The following METTL27 variants were observed in gnomAD, a reference collection of about 807,000 sequenced individuals.
METTL27 encodes methyltransferase like 27.
Under a neutral mutation model 24.5 loss-of-function variants are expected in METTL27, and 29 were observed. The observed-to-expected ratio is 1.18, with a 90% CI of 0.88 to 1.61. The LOEUF (loss-of-function observed/expected upper bound fraction) is 1.61. METTL27 is among the 40% of genes most tolerant of loss of function. The probability of loss-of-function intolerance (pLI) is 0.00; values close to 1 mark genes in which losing one functional copy is unlikely to be tolerated. For missense variants in METTL27, 341 were observed against 324.3 expected, an observed-to-expected ratio of 1.05 and a Z score of -0.40; for synonymous variants, 138 against 146.8, an observed-to-expected ratio of 0.94 and a Z score of 0.43.
At chr7:73,836,094 C>A (rs1554635127) in intron 5 of METTL27, among the ~76,000 whole-genome samples, 1 of 151,406 alleles carries the variant, frequency 6.6e-6, no homozygotes, top group Middle Eastern at 3.2e-3. Flanking sequence ...GGGGGTCAGC[C>A]CCCCGCCCCA....
chr7:73,835,884 G>A (rs1292018979), intron 5 of METTL27, among the ~76,000 whole-genome samples: 1 of 144,056 alleles, frequency 6.9e-6, no homozygotes, highest in African/African-American at 2.5e-5. Context: ...GGGATGTGAG[G>A]AGCACCTCTG....
chr7:73,839,780 G>T, intron 5 of METTL27: 1 of 454,500 alleles, frequency 2.2e-6, no homozygotes, highest in South Asian at 5.0e-5. Flanking sequence ...CTGGGAAAAG[G>T]AGGCTGCAGA....
At chr7:73,840,158 T>TG (rs1171386607) in intron 4 of METTL27, 38 bp from the exon 5 acceptor site, 1 of 1,551,322 alleles carries the variant, frequency 6.4e-7, no homozygotes, top group Non-Finnish European at 8.8e-7. Context: ...CATGGTGTGA[T>TG]GCTTGGAAGG....
chr7:73,834,964 T>C lies in METTL27; in HGVS notation c.517A>G (p.Asn173Asp). 6.2e-7 allele frequency: 1 copy of C among 1,613,350 alleles called. No individual in the cohort carries two copies. Among genetic ancestry groups the C allele is most frequent in the South Asian group, 1.1e-5 (1 of 91,040 alleles). Residue 173 changes from asparagine to aspartate, a missense_variant, in exon 6 of 6, where the codon AAC becomes GAC. Coordinates refer to ENST00000297873, the MANE Select transcript of METTL27 (RefSeq NM_152559.3). The part of the protein sequence containing the change: ...VCLTTRTNSS[N>D]LQYKEALEAT... ...TCCAGAGCCTCCTTGTATTGAAGGT[T>C]GGACGAGTTGGTCCTGGTGGTCAGA... is the stretch of plus-strand genomic sequence containing the variant.
chr7:73,840,140 G>A lies in METTL27; in HGVS notation c.389-20C>T. On this transcript the variant is annotated intron_variant, in intron 4 of 5. Coordinates refer to ENST00000297873, the MANE Select transcript of METTL27 (RefSeq NM_152559.3). ...AGGTCCCTGTGTGTGTGTGGGGGGGGGTGGGGACATGGTGTGATGCTTGGA... is the reference window on the plus strand; with the variant it reads ...AGGTCCCTGTGTGTGTGTGGGGGGGAGTGGGGACATGGTGTGATGCTTGGA... The A allele has an allele frequency of 7.0e-7, 1 of 1,437,870 alleles. No individual in the cohort carries two copies. Among genetic ancestry groups the A allele is most frequent in the Non-Finnish European group, 9.6e-7 (1 of 1,041,788 alleles). 89.1% of individuals were successfully genotyped at this position (1,437,870 alleles called of 1,614,324 possible). A position where few individuals can be genotyped will look rare whatever the true frequency, so the allele number is the denominator to read the frequency against.
intron 3 of METTL27, 149 bp downstream of exon 3, chr7:73,840,921 A>C: frequency 7.8e-7 from 1 of 1,275,704 alleles, no homozygotes; most frequent in Non-Finnish European, 1.0e-6. Flanking sequence ...TCGGCCTCCC[A>C]TAGTGTGAGC....
At chr7:73,840,224 C>T (rs781861164) in intron 4 of METTL27, 104 bp from the exon 5 acceptor site, 90 of 1,462,624 alleles carry the variant, frequency 6.2e-5, no homozygotes, top group Non-Finnish European at 7.7e-5. Flanking sequence ...AGGCTACTAC[C>T]CGCATCTGCA....
chr7:73,838,452 C>A (rs1481893921), intron 5 of METTL27, among the ~76,000 whole-genome samples: 2 of 152,162 alleles, frequency 1.3e-5, no homozygotes, highest in Non-Finnish European at 2.9e-5. Flanking sequence ...TGTGCGTGCC[C>A]AGGGTGGCCC....
In METTL27 at chr7:73,835,017, TA is replaced by T; in HGVS notation, c.479-16del. On this transcript the variant is annotated splice_polypyrimidine_tract_variant and intron_variant, in intron 5 of 5. Coordinates refer to ENST00000297873, the MANE Select transcript of METTL27 (RefSeq NM_152559.3). ...CACCAGCCCACCTGGGGGAGAGGGGTAGGTGAGGTGGGGGAGGGGCAGGAGC... is the reference window on the plus strand; with the variant it reads ...CACCAGCCCACCTGGGGGAGAGGGGTGGTGAGGTGGGGGAGGGGCAGGAGC... 6.3e-7 allele frequency: 1 copy of T among 1,599,512 alleles called. No individual in the cohort carries two copies. The highest frequency in any genetic ancestry group is 8.5e-7 in the Non-Finnish European group (1 of 1,174,404).
In METTL27 at chr7:73,842,199, C is replaced by CT. The variant is rs1182499832; in HGVS notation, c.-4-56dup. The CT allele has an allele frequency of 3.9e-6, 6 of 1,554,662 alleles. No homozygotes were observed. In the South Asian group the frequency reaches 7.0e-5, roughly 18 times the overall value. On this transcript the variant is annotated intron_variant, in intron 1 of 5. Transcript: ENST00000297873. ...GTCCACCTCAATCGCCCATCCCCTC[C>CT]TTTCCCCCTTCCCTCCTCCCCCTTC...
In METTL27 at chr7:73,840,135, G is replaced by A; in HGVS notation, c.389-15C>T. The A allele has an allele frequency of 4.0e-6, 6 of 1,482,270 alleles. No homozygotes were observed. Among genetic ancestry groups the A allele is most frequent in the East Asian group, 2.4e-5 (1 of 42,502 alleles). The allele number at this position is 1,482,270 out of a possible 1,614,324, so 91.8% of individuals were successfully genotyped here. ...GTCGAAGGTCCCTGTGTGTGTGTGG[G>A]GGGGGGTGGGGACATGGTGTGATGC... is the stretch of plus-strand genomic sequence containing the variant. On this transcript the variant is annotated splice_polypyrimidine_tract_variant and intron_variant, in intron 4 of 5. Transcript: ENST00000297873.
chr7:73,838,007 G>T (rs782644039), intron 5 of METTL27, among the ~76,000 whole-genome samples: 4 of 150,492 alleles, frequency 2.7e-5, no homozygotes, highest in Non-Finnish European at 4.4e-5. Context: ...TCACCACCAC[G>T]CCTGGCTAAT....
chr7:73,835,208 C>T, intron 5 of METTL27: 1 of 567,712 alleles, frequency 1.8e-6, no homozygotes, highest in Non-Finnish European at 3.0e-6. Context: ...CTCCCTCTCC[C>T]TCTCCCTCTC....
intron 5 of METTL27, among the ~76,000 whole-genome samples, chr7:73,836,011 G>A (rs1481471977): frequency 1.7e-4 from 18 of 105,916 alleles, no homozygotes; most frequent in Non-Finnish European, 4.2e-5. Context: ...GAGCCCCTCC[G>A]CCCGGCAGCC....
At chr7:73,838,827 G>GGCAAGTGGT (rs60554617) in intron 5 of METTL27, among the ~76,000 whole-genome samples, 1 of 151,854 alleles carries the variant, frequency 6.6e-6, no homozygotes, top group Non-Finnish European at 1.5e-5. Context: ...TGCTGGGCCT[G>GGCAAGTGGT]GCAGAGACGG....
intron 5 of METTL27, 22 bp from the exon 6 acceptor site, chr7:73,835,024 G>T: frequency 6.3e-7 from 1 of 1,591,218 alleles, no homozygotes; most frequent in East Asian, 2.3e-5. Flanking sequence ...GGGTAGGTGA[G>T]GTGGGGGAGG....
At chr7:73,840,590 C>T (rs781887523) in intron 3 of METTL27, 41 bp from the exon 4 acceptor site, 27 of 1,531,854 alleles carry the variant, frequency 1.8e-5, no homozygotes, top group Middle Eastern at 4.7e-4. Context: ...TTCACACCTG[C>T]CACTTCCCGG....
intron 5 of METTL27, among the ~76,000 whole-genome samples, chr7:73,838,483 G>C (rs1234735291): frequency 1.3e-5 from 2 of 152,192 alleles, no homozygotes; most frequent in South Asian, 4.1e-4. Context: ...GAGAAGGAGA[G>C]ATGGGGAAGC....
At chr7:73,835,237 C>G (rs1788134823) in intron 5 of METTL27, among the ~76,000 whole-genome samples, 1 of 142,370 alleles carries the variant, frequency 7.0e-6, no homozygotes, top group Admixed American at 7.0e-5. Flanking sequence ...CACGGTCTCC[C>G]TCTCCCTCTC....
Sources: gnomAD v4.1 joint callset for allele counts (sites outside exome capture counted in the v4.1 genomes callset) on GRCh38, gnomAD v4.1.1 for gene constraint, MANE v1.5 for transcripts, NCBI Gene and HGNC (gene_info 2026-07-23, HGNC 2026-07-21) for gene names.